OTOGL: variants seen among roughly 807,000 people sequenced by gnomAD.
OTOGL encodes the protein otogelin like, also known as otogelin-like protein.
OTOGL carries 285 observed loss-of-function variants against 318.5 expected under a neutral mutation model. The observed-to-expected ratio is 0.89, with a 90% CI of 0.81 to 0.99. The LOEUF (loss-of-function observed/expected upper bound fraction) is 0.99. Among genes scored for constraint, OTOGL ranks in the 50% least tolerant of loss-of-function variants. The probability of loss-of-function intolerance (pLI) is 0.00; values close to 1 mark genes in which losing one functional copy is unlikely to be tolerated. For synonymous variants in OTOGL, 987 were observed against 936.5 expected, an observed-to-expected ratio of 1.05 and a Z score of -0.99; for missense variants, 2,899 against 2,845.6, an observed-to-expected ratio of 1.02 and a Z score of -0.43.
chr12:80,118,713 T>G (rs188598129), intron 1 of OTOGL, among the ~76,000 whole-genome samples: 11 of 152,320 alleles, frequency 7.2e-5, no homozygotes, highest in Admixed American at 7.2e-4. Flanking sequence ...TTATTGCATG[T>G]AAGCTAACAT....
At chr12:80,260,433 T>C (rs1882433217) in intron 18 of OTOGL, among the ~76,000 whole-genome samples, 1 of 152,194 alleles carries the variant, frequency 6.6e-6, no homozygotes, top group East Asian at 1.9e-4. Context: ...AGTCGGCAGA[T>C]CTGTCTGCCT....
intron 49 of OTOGL, among the ~76,000 whole-genome samples, chr12:80,357,803 G>A (rs956650803): frequency 6.6e-6 from 1 of 152,134 alleles, no homozygotes; most frequent in Non-Finnish European, 1.5e-5. Flanking sequence ...CACTCAAAAA[G>A]GTGTGGGTGG....
At chr12:80,251,100 C>A (rs1207748643) in intron 11 of OTOGL, among the ~76,000 whole-genome samples, 2 of 152,148 alleles carry the variant, frequency 1.3e-5, no homozygotes, top group African/African-American at 4.8e-5. Context: ...CAGTGATAGA[C>A]TGGATAAAGA....
At chr12:80,128,310 G>C (rs1172468850) in intron 1 of OTOGL, among the ~76,000 whole-genome samples, 1 of 152,228 alleles carries the variant, frequency 6.6e-6, no homozygotes, top group Non-Finnish European at 1.5e-5. Context: ...GTCCACTCCA[G>C]ACCCTGTTTG....
chr12:80,378,388 T>C lies in OTOGL; in HGVS notation c.*340T>C, dbSNP rs936805664. The C allele has an allele frequency of 1.5e-5, 3 of 197,198 alleles. No homozygotes were observed. The highest frequency in any genetic ancestry group is 2.3e-5 in the African/African-American group (1 of 42,646). 12.2% of individuals were successfully genotyped at this position (197,198 alleles called of 1,614,324 possible). ...TCAATTTCACTCAGTAGCTCTTTTT[T>C]TCTTAATTTGCAAAGTCTGCTATAG... is the stretch of plus-strand genomic sequence containing the variant. On this transcript the variant is annotated 3_prime_UTR_variant, in exon 59 of 59. Coordinates refer to ENST00000547103, the MANE Select transcript of OTOGL (RefSeq NM_001378609.3).
rs2137434682 is a variant in OTOGL at position 80,239,429 on chromosome 12, G to A, written c.1042G>A (p.Asp348Asn). ...CTTATATATTGCCAGCTGTGTTAAT[G>A]ATCTTTGCAAGTAAGTGAAATGACT... is the stretch of plus-strand genomic sequence containing the variant. ...PYLYIASCVNDLCKTDDDETY... is the reference protein window; with the variant it reads ...PYLYIASCVNNLCKTDDDETY... Residue 348 changes from aspartate (D) to asparagine (N), a missense_variant, in exon 11 of 59, where the codon GAT becomes AAT. By Grantham distance (23) the Asp-to-Asn change is conservative (BLOSUM62 1). Around this residue, in one of 3 missense-constraint regions of OTOGL, gnomAD observed 2,607 missense variants for 2,524.9 expected, o/e 1.03. Transcript: ENST00000547103. 6.3e-7 allele frequency: 1 copy of A among 1,578,676 alleles called. No individual in the cohort carries two copies. Among genetic ancestry groups the A allele is most frequent in the Non-Finnish European group, 8.6e-7 (1 of 1,160,254 alleles).
At chr12:80,258,122 C>T (rs942661723) in intron 18 of OTOGL, 120 bp downstream of exon 18, 2 of 891,764 alleles carry the variant, frequency 2.2e-6, no homozygotes, top group Non-Finnish European at 3.2e-6. Context: ...AAGAGATTTA[C>T]ATGGATCATC....
At chr12:80,140,048 T>A (rs998959408) in intron 1 of OTOGL, among the ~76,000 whole-genome samples, 8 of 152,186 alleles carry the variant, frequency 5.3e-5, no homozygotes, top group Non-Finnish European at 7.4e-5. Context: ...AACTACTGTA[T>A]TCTTCTCTTG....
At chr12:80,136,144 T>A (rs1358122079) in intron 1 of OTOGL, among the ~76,000 whole-genome samples, 2 of 152,218 alleles carry the variant, frequency 1.3e-5, no homozygotes, top group Non-Finnish European at 2.9e-5. Context: ...TTTCTGGACT[T>A]GCTTTTTTTG....
chr12:80,236,785 G>GTTTTTGTTT (rs200139670), intron 9 of OTOGL, among the ~76,000 whole-genome samples: 2,098 of 146,386 alleles, frequency 0.014, 47 homozygotes, highest in African/African-American at 0.049. Flanking sequence ...TTTCGTTTTT[G>GTTTTTGTTT]TTTTTGTTTT....
At chr12:80,196,681 A>G (rs138155072) in intron 1 of OTOGL, among the ~76,000 whole-genome samples, 16 of 152,300 alleles carry the variant, frequency 1.1e-4, no homozygotes, top group African/African-American at 3.8e-4. Context: ...GACCTTTGCT[A>G]TACAAATGGT....
rs551986044 is a variant in OTOGL at position 80,329,706 on chromosome 12, A to G, written c.4348+587A>G. ...ATAAATCCACTCACAGTGAGGCTCAACAAACTTAAGGCATTATTCCTCAAG... is the reference window on the plus strand; with the variant it reads ...ATAAATCCACTCACAGTGAGGCTCAGCAAACTTAAGGCATTATTCCTCAAG... On this transcript the variant is annotated intron_variant, in intron 37 of 58. Coordinates refer to ENST00000547103, the MANE Select transcript of OTOGL (RefSeq NM_001378609.3). Among the ~76,000 whole-genome samples the G allele has an allele frequency of 2.6e-4, 39 of 152,322 alleles. No homozygotes were observed. In the South Asian group the frequency reaches 7.5e-3, roughly 29 times the overall value.
chr12:80,274,242 G>A lies in OTOGL; in HGVS notation c.2681+2432G>A, dbSNP rs189350883. Among the ~76,000 whole-genome samples, 121 of 152,194 alleles carry A rather than the reference G, an allele frequency of 8.0e-4. No homozygotes were observed. The Middle Eastern group carries it at 0.014, about 17-fold the overall frequency. The stretch of plus-strand genomic sequence containing the variant: ...TGCAACAGTTAGCCAAATTGTGAAT[G>A]CAAAGGAAAAGTTCATGAAAGAAAT... On this transcript the variant is annotated intron_variant, in intron 24 of 58. Coordinates refer to ENST00000547103, the MANE Select transcript of OTOGL (RefSeq NM_001378609.3).
chr12:80,200,403 T>G (rs562998555), intron 1 of OTOGL, among the ~76,000 whole-genome samples: 1 of 152,322 alleles, frequency 6.6e-6, no homozygotes, highest in South Asian at 2.1e-4. Context: ...TTCCTGTGAT[T>G]TTGTCCATTG....
intron 46 of OTOGL, among the ~76,000 whole-genome samples, chr12:80,355,232 T>TC: frequency 3.1e-4 from 43 of 139,898 alleles, no homozygotes; most frequent in African/African-American, 1.1e-3. Flanking sequence ...TTCTTTTCTT[T>TC]TTTTTTTTTT....
chr12:80,323,598 G>A (rs1887486117), intron 34 of OTOGL, 125 bp from the exon 35 acceptor site: 2 of 712,432 alleles, frequency 2.8e-6, no homozygotes, highest in Non-Finnish European at 4.7e-6. Flanking sequence ...GTGGTGAATC[G>A]AAATAGTGCC....
chr12:80,127,057 G>T (rs1173320745), intron 1 of OTOGL, among the ~76,000 whole-genome samples: 1 of 152,148 alleles, frequency 6.6e-6, no homozygotes. Flanking sequence ...GGTTGATATT[G>T]TTATGTGTGA....
chr12:80,350,996 CT>C (rs1889508428), intron 44 of OTOGL, among the ~76,000 whole-genome samples: 1 of 152,074 alleles, frequency 6.6e-6, no homozygotes, highest in South Asian at 2.1e-4. Flanking sequence ...TGTCCTAGAG[CT>C]TTTCCTCTGT....
At chr12:80,261,830 T>G in intron 18 of OTOGL, 139 bp from the exon 19 acceptor site, 1 of 1,081,446 alleles carries the variant, frequency 9.2e-7, no homozygotes, top group Non-Finnish European at 1.2e-6. Context: ...TTGTACTTTT[T>G]TTTAAACTGG....
Sources: gnomAD v4.1 joint callset for allele counts (sites outside exome capture counted in the v4.1 genomes callset) on GRCh38, gnomAD v4.1.1 for gene constraint, gnomAD v4.1.1 regional missense constraint, MANE v1.5 for transcripts, NCBI Gene and HGNC (gene_info 2026-07-23, HGNC 2026-07-21) for gene names.